Variants in RHBG observed in about 807,000 individuals in gnomAD.
RHBG encodes the protein Rh family B glycoprotein, also known as ammonium transporter Rh type B.
Under a neutral mutation model 40.1 loss-of-function variants are expected in RHBG, and 39 were observed. The observed-to-expected ratio is 0.97, with a 90% CI of 0.75 to 1.27. RHBG has a LOEUF of 1.27. RHBG is among the 50% of genes most tolerant of loss of function. RHBG has a pLI of 0.00. For synonymous variants in RHBG, 237 were observed against 252.5 expected (o/e 0.94, Z 0.58); for missense variants, 549 against 588.1 (o/e 0.93, Z 0.69).
At chr1:156,378,208 G>A (rs373262850) in intron 3 of RHBG, 44 bp from the exon 4 acceptor site, 76 of 1,606,276 alleles carry the variant, frequency 4.7e-5, no homozygotes, top group Non-Finnish European at 5.8e-5. Flanking sequence ...AGCCAGGAGC[G>A]TGGGGGTGGG....
Position 156,369,444 on chromosome 1 carries a change from C to T in RHBG, c.187+8C>T. 1 of 1,601,610 alleles carries T rather than the reference C, an allele frequency of 6.2e-7. No individual in the cohort carries two copies. Among genetic ancestry groups the T allele is most frequent in the South Asian group, 1.1e-5 (1 of 89,810 alleles). ...TTTACTTTCGCTACCCAAGTGAGTG[C>T]GGGGTGAGGGCGCGCGGGAAGCAAA... On this transcript the variant is annotated splice_region_variant and intron_variant, in intron 1 of 9. Coordinates refer to ENST00000537040, the MANE Select transcript of RHBG (RefSeq NM_020407.5).
At chr1:156,371,654 C>G (rs935482079) in intron 1 of RHBG, 2 of 154,592 alleles carry the variant, frequency 1.3e-5, no homozygotes, top group African/African-American at 4.8e-5. Flanking sequence ...CCCCATATTT[C>G]ATCCACAGCC....
chr1:156,377,482 G>A lies in RHBG; in HGVS notation c.369G>A (p.Val123=), dbSNP rs961605207. Residue 123 remains valine (V), a synonymous_variant, in exon 2 of 10, where the codon GTG becomes GTA. Coordinates refer to ENST00000537040, the MANE Select transcript of RHBG (RefSeq NM_020407.5). The surrounding 1 kb of genome is among the most constrained non-coding windows in gnomAD (Gnocchi z 4.6). The part of the protein sequence containing the change: ...SFHGGHIHVG[V]ESMINADFCA... ...ACGGTGGCCACATCCATGTTGGCGT[G>A]GAGAGGTGGGCAGCCGCCACCCACC... The A allele has an allele frequency of 1.9e-6, 3 of 1,605,224 alleles. No homozygotes were observed. The highest frequency in any genetic ancestry group is 2.6e-6 in the Non-Finnish European group (3 of 1,172,722).
Position 156,377,632 on chromosome 1 carries a change from C to T in RHBG, c.374+145C>T. 1 of 818,350 alleles carries T rather than the reference C, an allele frequency of 1.2e-6. No individual in the cohort carries two copies. The highest frequency in any genetic ancestry group is 1.9e-6 in the Non-Finnish European group (1 of 535,136). The allele number at this position is 818,350 out of a possible 1,614,324, so 50.7% of individuals were successfully genotyped here. A position where few individuals can be genotyped will look rare whatever the true frequency, so the allele number is the denominator to read the frequency against. On this transcript the variant is annotated intron_variant, in intron 2 of 9. Transcript: ENST00000537040. The surrounding 1 kb of genome is among the most constrained non-coding windows in gnomAD (Gnocchi z 4.6). ...TGGTTTCTCTAGGTGTCCTGCCTGT[C>T]CTTATTGCCTGACTTCCTCTCCCAT...
Position 156,378,302 on chromosome 1 carries a change from C to T in RHBG, c.576C>T (p.Phe192=), listed in dbSNP as rs185277732. The T allele has an allele frequency of 6.1e-4, 978 of 1,614,074 alleles. No individual in the cohort carries two copies. The highest frequency in any genetic ancestry group is 1.9e-3 in the African/African-American group (143 of 75,026). Residue 192 remains phenylalanine, a synonymous_variant, in exon 4 of 10, where the codon TTC becomes TTT. Coordinates refer to ENST00000537040, the MANE Select transcript of RHBG (RefSeq NM_020407.5). Reference sequence around the variant, plus strand: ...CTATCCACACCTTTGGTGCCTACTTCGGGCTCGTCCTTTCGCGGGTTCTGT... The same window carrying T: ...CTATCCACACCTTTGGTGCCTACTTTGGGCTCGTCCTTTCGCGGGTTCTGT... ...SMTIHTFGAY[F]GLVLSRVLYR...
chr1:156,369,498 T>A, intron 1 of RHBG, 62 bp downstream of exon 1: 1 of 1,498,380 alleles, frequency 6.7e-7, no homozygotes, highest in Non-Finnish European at 9.0e-7. Flanking sequence ...GACCCTCCGG[T>A]GTCTTGGGAG....
chr1:156,375,353 G>A (rs535744739), intron 1 of RHBG, among the ~76,000 whole-genome samples: 85 of 151,948 alleles, frequency 5.6e-4, no homozygotes, highest in Non-Finnish European at 9.7e-4. Flanking sequence ...GATTACAGGC[G>A]TGAGCCACTG....
At chr1:156,370,876 A>T (rs1666809091) in intron 1 of RHBG, among the ~76,000 whole-genome samples, 1 of 151,938 alleles carries the variant, frequency 6.6e-6, no homozygotes, top group Non-Finnish European at 1.5e-5. Context: ...CAATAAAGAC[A>T]GAGTTAACCT....
In RHBG at chr1:156,377,280, G is replaced by T. The variant is rs374790375; in HGVS notation, c.188-21G>T. The T allele has an allele frequency of 1.9e-6, 3 of 1,609,752 alleles. No homozygotes were observed. The highest frequency in any genetic ancestry group is 1.1e-5 in the South Asian group (1 of 90,740). On this transcript the variant is annotated intron_variant, in intron 1 of 9. Coordinates refer to ENST00000537040, the MANE Select transcript of RHBG (RefSeq NM_020407.5). The surrounding 1 kb of genome is among the most constrained non-coding windows in gnomAD (Gnocchi z 4.6). The stretch of plus-strand genomic sequence containing the variant: ...GGCTAGAGCAGCCCCCAAGTGCCCC[G>T]CCTGTCCCTGCCCGCTGCAGGCTTC...
chr1:156,383,355 T>G (rs1040887225), intron 8 of RHBG, among the ~76,000 whole-genome samples: 5 of 152,152 alleles, frequency 3.3e-5, no homozygotes, highest in African/African-American at 1.2e-4. Context: ...TGATTCAGCA[T>G]CCCCTCTGTC....
chr1:156,370,614 CAAAAAAAAAA>C (rs59248542), intron 1 of RHBG, among the ~76,000 whole-genome samples: 7 of 66,094 alleles, frequency 1.1e-4, no homozygotes, highest in East Asian at 4.3e-4. Flanking sequence ...GACTCTGTCT[CAAAAAAAAAA>C]AAAAAAAAAA....
chr1:156,384,511 C>T lies in RHBG; in HGVS notation c.1235-16C>T, dbSNP rs780034661. On this transcript the variant is annotated splice_polypyrimidine_tract_variant and intron_variant, in intron 8 of 9. Coordinates refer to ENST00000537040, the MANE Select transcript of RHBG (RefSeq NM_020407.5). ...GGGGCAGAGAAGCCTCACAGATCCT[C>T]CCCTACCACCACCAGGGCTCCTGCT... 1.2e-6 allele frequency: 2 copies of T among 1,612,492 alleles called. No homozygotes were observed. Among genetic ancestry groups the T allele is most frequent in the Non-Finnish European group, 1.7e-6 (2 of 1,178,900 alleles).
At chr1:156,373,346 A>G (rs1336327168) in intron 1 of RHBG, among the ~76,000 whole-genome samples, 1 of 151,866 alleles carries the variant, frequency 6.6e-6, no homozygotes. Flanking sequence ...AGATTGCTTG[A>G]GCCCAGGAGG....
At chr1:156,384,659 T>C in intron 9 of RHBG, 59 bp downstream of exon 9, 8 of 1,540,492 alleles carry the variant, frequency 5.2e-6, no homozygotes, top group Non-Finnish European at 7.1e-6. Flanking sequence ...TCGCCTCCTG[T>C]GGCCCAAGTT....
chr1:156,384,574 C>A lies in RHBG; in HGVS notation c.1282C>A (p.His428Asn), dbSNP rs1407463907. 3 of 1,591,434 alleles carry A rather than the reference C, an allele frequency of 1.9e-6. No individual in the cohort carries two copies. The highest frequency in any genetic ancestry group is 1.1e-5 in the South Asian group (1 of 87,870). ...PFLDSPPDSQ[H>N]YEDQVHWQVP... ...TCTGGACTCCCCCCCAGACTCCCAG[C>A]ACTACGAGGACCAAGTTCACTGGCA... Residue 428 changes from histidine to asparagine, a missense_variant, in exon 9 of 10, where the codon CAC (histidine) becomes AAC (asparagine). His to Asn is a moderately conservative substitution (Grantham distance 68). This residue lies in a region of RHBG where 399 missense variants were observed against 417.0 expected (regional missense o/e 0.96). Coordinates refer to ENST00000537040, the MANE Select transcript of RHBG (RefSeq NM_020407.5).
intron 4 of RHBG, among the ~76,000 whole-genome samples, chr1:156,380,106 CTTT>C (rs1458720516): frequency 9.4e-5 from 12 of 127,286 alleles, no homozygotes; most frequent in African/African-American, 3.3e-4. Context: ...CCTTTCCTTT[CTTT>C]TTCTTTTTTT....
chr1:156,380,592 G>A (rs573209918), intron 4 of RHBG, among the ~76,000 whole-genome samples: 8 of 151,480 alleles, frequency 5.3e-5, no homozygotes, highest in Non-Finnish European at 2.9e-5. Flanking sequence ...TGGGTGTGGT[G>A]GTGGGCGCCT....
At chr1:156,375,963 C>CTAGCCTCAAGCTAG (rs1667166666) in intron 1 of RHBG, among the ~76,000 whole-genome samples, 1 of 152,042 alleles carries the variant, frequency 6.6e-6, no homozygotes, top group African/African-American at 2.4e-5. Flanking sequence ...CCAGGCTAGT[C>CTAGCCTCAAGCTAG]TTAATCTACT....
At position 156,384,374 on chromosome 1, in the gene RHBG, G is replaced by A. The variant is rs952929646; in HGVS notation, c.1235-153G>A. 1.6e-5 allele frequency: 12 copies of A among 754,702 alleles called. No individual in the cohort carries two copies. In the African/African-American group the frequency reaches 2.1e-4, roughly 13 times the overall value. 46.8% of individuals were successfully genotyped at this position (754,702 alleles called of 1,614,324 possible). On this transcript the variant is annotated intron_variant, in intron 8 of 9. Coordinates refer to ENST00000537040, the MANE Select transcript of RHBG (RefSeq NM_020407.5). ...CACTTTGCACAGGGCCTGGCACATAGTAGATGCTCAACAAATACTGCTGTG... is the reference window on the plus strand; with the variant it reads ...CACTTTGCACAGGGCCTGGCACATAATAGATGCTCAACAAATACTGCTGTG...
Sources: allele counts gnomAD v4.1 joint callset (sites outside exome capture counted in the v4.1 genomes callset), GRCh38; gene constraint gnomAD v4.1.1; regional missense constraint gnomAD v4.1.1; non-coding constraint Gnocchi (gnomAD v3.1); transcripts MANE v1.5; gene names NCBI Gene and HGNC (gene_info 2026-07-23, HGNC 2026-07-21).